Variants in MIPEP observed in about 807,000 individuals in gnomAD.
MIPEP encodes mitochondrial intermediate peptidase.
A neutral mutation model predicts 90.3 loss-of-function variants in MIPEP; 79 were observed. That is an observed-to-expected ratio of 0.87 (90% CI 0.73 to 1.05). The LOEUF (loss-of-function observed/expected upper bound fraction) is 1.05. Ranked by LOEUF, MIPEP falls within the 50% of genes least tolerant of loss-of-function variation. The pLI, the probability that MIPEP is intolerant of heterozygous loss-of-function variation, is 0.00. For synonymous variants in MIPEP, 334 were observed against 315.8 expected (o/e 1.06, Z -0.61); for missense variants, 940 against 905.6 (o/e 1.04, Z -0.49).
intron 3 of MIPEP, among the ~76,000 whole-genome samples, chr13:23,880,686 G>A (rs1365257283): frequency 6.6e-6 from 1 of 152,196 alleles, no homozygotes; most frequent in African/African-American, 2.4e-5. Context: ...TCTGCACTCT[G>A]CAGGGCCCCG....
In MIPEP at chr13:23,864,997, T is replaced by C. The variant is rs73442199; in HGVS notation, c.944-808A>G. Among the ~76,000 whole-genome samples, 274 of 143,844 alleles carry C rather than the reference T, an allele frequency of 1.9e-3. 1 individual carries two copies. Among genetic ancestry groups the C allele is most frequent in the African/African-American group, 6.9e-3 (266 of 38,520 alleles). The allele number at this position is 143,844 out of a possible 152,430, so 94.4% of individuals were successfully genotyped here. A position where few individuals can be genotyped will look rare whatever the true frequency, so the allele number is the denominator to read the frequency against. ...TATATACAACTGTAGAATAATCTAT[T>C]CAGGATAAATATGAAAAAAATAGCA... is the stretch of plus-strand genomic sequence containing the variant. On this transcript the variant is annotated intron_variant, in intron 7 of 18. Coordinates refer to ENST00000382172, the MANE Select transcript of MIPEP (RefSeq NM_005932.4).
chr13:23,851,030 G>A (rs17079437), intron 10 of MIPEP, among the ~76,000 whole-genome samples: 4,045 of 152,286 alleles, frequency 0.027, 190 homozygotes, highest in African/African-American at 0.088. Flanking sequence ...AAAGGAAAGT[G>A]GCCAGACAGC....
At chr13:23,818,167 A>G (rs534390418) in intron 14 of MIPEP, among the ~76,000 whole-genome samples, 1 of 152,040 alleles carries the variant, frequency 6.6e-6, no homozygotes, top group South Asian at 2.1e-4. Flanking sequence ...CTGTAATCCC[A>G]GCACTTTGGA....
In MIPEP at chr13:23,837,758, T is replaced by G. The variant is rs1385648502; in HGVS notation, c.1339-2A>C. ...TCCACGGATAGTGAAATGGCAATCC[T>G]TTAAGAATCAGAAAACATAAAAGGA... On this transcript the variant is annotated splice_acceptor_variant, in intron 12 of 18. Transcript: ENST00000382172. LOFTEE classifies it high-confidence loss of function. 6.2e-7 allele frequency: 1 copy of G among 1,601,614 alleles called. No homozygotes were observed. The highest frequency in any genetic ancestry group is 8.6e-7 in the Non-Finnish European group (1 of 1,168,984).
Position 23,878,540 on chromosome 13 carries a change from G to C in MIPEP, c.539+728C>G, listed in dbSNP as rs113983174. Among the ~76,000 whole-genome samples, 295 of 152,154 alleles carry C rather than the reference G, an allele frequency of 1.9e-3. 1 individual carries two copies. Among genetic ancestry groups the C allele is most frequent in the Middle Eastern group, 6.8e-3 (2 of 294 alleles). On this transcript the variant is annotated intron_variant, in intron 4 of 18. Coordinates refer to ENST00000382172, the MANE Select transcript of MIPEP (RefSeq NM_005932.4). The stretch of plus-strand genomic sequence containing the variant: ...GGAAGTGTCCCACCAACAAAACGTA[G>C]ATAAACAGGAACAAACAAATGAGAA...
intron 17 of MIPEP, among the ~76,000 whole-genome samples, chr13:23,757,742 C>G (rs1227619496): frequency 6.6e-6 from 1 of 152,168 alleles, no homozygotes; most frequent in African/African-American, 2.4e-5. Context: ...ATATGCCTAC[C>G]TGACGGAGTT....
chr13:23,882,351 G>A (rs1486960713), intron 2 of MIPEP, among the ~76,000 whole-genome samples: 1 of 151,492 alleles, frequency 6.6e-6, no homozygotes, highest in Non-Finnish European at 1.5e-5. Context: ...ACTCTTAAAG[G>A]CTTTTTTTTT....
Position 23,889,389 on chromosome 13 carries a change from C to T in MIPEP, c.-69G>A. 1 of 1,225,040 alleles carries T rather than the reference C, an allele frequency of 8.2e-7. No homozygotes were observed. Among genetic ancestry groups the T allele is most frequent in the Non-Finnish European group, 1.0e-6 (1 of 977,148 alleles). 75.9% of individuals were successfully genotyped at this position (1,225,040 alleles called of 1,614,324 possible). ...CTGCTGCTTTCGCTGGGAGCGCGCG[C>T]TCCGCGTTTCCAAGGCAGCAGCCCA... On this transcript the variant is annotated 5_prime_UTR_variant, in exon 1 of 19. Transcript: ENST00000382172.
chr13:23,834,364 C>T (rs1426035587), intron 14 of MIPEP, among the ~76,000 whole-genome samples: 1 of 152,216 alleles, frequency 6.6e-6, no homozygotes, highest in African/African-American at 2.4e-5. Context: ...CTTTAGCTCC[C>T]AGCTCCTGGC....
intron 14 of MIPEP, among the ~76,000 whole-genome samples, chr13:23,810,736 T>G (rs1953162393): frequency 6.6e-6 from 1 of 152,212 alleles, no homozygotes; most frequent in Admixed American, 6.5e-5. Flanking sequence ...CACCTGTGAA[T>G]GAGAACGTGG....
chr13:23,752,755 T>C (rs1479257767), intron 18 of MIPEP, among the ~76,000 whole-genome samples: 2 of 152,166 alleles, frequency 1.3e-5, no homozygotes, highest in Non-Finnish European at 2.9e-5. Context: ...TATTGCCACA[T>C]GTGTTTAGTG....
chr13:23,810,849 G>A (rs1191214553), intron 14 of MIPEP, among the ~76,000 whole-genome samples: 2 of 152,228 alleles, frequency 1.3e-5, no homozygotes, highest in Non-Finnish European at 1.5e-5. Flanking sequence ...AGAACTGCTA[G>A]GAAACGGCTT....
chr13:23,862,254 A>G (rs1279087197), intron 9 of MIPEP, 48 bp downstream of exon 9: 2 of 1,108,834 alleles, frequency 1.8e-6, no homozygotes, highest in East Asian at 2.6e-5. Flanking sequence ...TATTGATTTC[A>G]GTTGACAGAC....
chr13:23,812,452 C>T (rs7336845), intron 14 of MIPEP, among the ~76,000 whole-genome samples: 2,383 of 148,504 alleles, frequency 0.016, 86 homozygotes, highest in African/African-American at 0.057. Context: ...GGAAGCTGAG[C>T]CACGCTGGGT....
At chr13:23,786,254 G>A (rs1952838528) in intron 16 of MIPEP, among the ~76,000 whole-genome samples, 1 of 151,844 alleles carries the variant, frequency 6.6e-6, no homozygotes, top group Admixed American at 6.6e-5. Flanking sequence ...ACTAAAGCTG[G>A]TTCCAAATTT....
Position 23,730,193 on chromosome 13 carries a change from TAAAAC to T in MIPEP, c.*150_*154del. 3 of 603,372 alleles carry T rather than the reference TAAAAC, an allele frequency of 5.0e-6. No homozygotes were observed. Among genetic ancestry groups the T allele is most frequent in the Middle Eastern group, 4.2e-4 (1 of 2,408 alleles). The allele number at this position is 603,372 out of a possible 1,614,324, so 37.4% of individuals were successfully genotyped here. A position where few individuals can be genotyped will look rare whatever the true frequency, so the allele number is the denominator to read the frequency against. ...CAAACAGGTGAAAAGCCAGAATAAT[TAAAAC>T]AAATTATTTATTCCAAGTTCTACCA... On this transcript the variant is annotated 3_prime_UTR_variant, in exon 19 of 19. Coordinates refer to ENST00000382172, the MANE Select transcript of MIPEP (RefSeq NM_005932.4).
At position 23,862,332 on chromosome 13, in the gene MIPEP, C is replaced by T. The variant is rs776286380; in HGVS notation, c.1023G>A (p.Gly341=). ...RTLKDFEMIR[G]MKMKLNPQNS... is the part of the protein sequence containing the mutation. The stretch of plus-strand genomic sequence containing the variant: ...TTTGAGGATTCAGTTTCATTTTCAT[C>T]CCTCGTATCATCTCAAAATCTTTCA... The change falls in exon 9 of 19, where the codon GGG becomes GGA. Residue 341 remains glycine (G), a synonymous_variant. Transcript: ENST00000382172. 1.4e-5 allele frequency: 22 copies of T among 1,586,046 alleles called. No individual in the cohort carries two copies. In the South Asian group the frequency reaches 2.4e-4, roughly 17 times the overall value.
intron 18 of MIPEP, among the ~76,000 whole-genome samples, chr13:23,737,673 A>C (rs1952280554): frequency 6.6e-6 from 1 of 152,204 alleles, no homozygotes; most frequent in Non-Finnish European, 1.5e-5. Flanking sequence ...TCACCTGTTT[A>C]ACCCTTGAAT....
chr13:23,781,632 A>ATGCT (rs1371550368), intron 16 of MIPEP, among the ~76,000 whole-genome samples: 4 of 141,270 alleles, frequency 2.8e-5, no homozygotes, highest in African/African-American at 5.0e-5. Context: ...AATGGGCTAA[A>ATGCT]TGCTCCAATT....
Sources: allele counts gnomAD v4.1 joint callset (sites outside exome capture counted in the v4.1 genomes callset), GRCh38; gene constraint gnomAD v4.1.1; transcripts MANE v1.5; gene names NCBI Gene and HGNC (gene_info 2026-07-23, HGNC 2026-07-21).